DYRK4: variants seen among roughly 807,000 people sequenced by gnomAD.
The protein encoded by DYRK4 is dual specificity tyrosine phosphorylation regulated kinase 4.
In DYRK4, 64 loss-of-function variants were observed where a neutral mutation model predicts 68.3. The observed-to-expected ratio is 0.94, with a 90% CI of 0.77 to 1.15. The LOEUF (loss-of-function observed/expected upper bound fraction) is 1.15. Among genes scored for constraint, DYRK4 ranks in the 50% most tolerant of loss-of-function variants. The pLI is 0.00. For missense variants in DYRK4, 740 were observed against 764.7 expected, an observed-to-expected ratio of 0.97 and a Z score of 0.38; for synonymous variants, 274 against 289.9, an observed-to-expected ratio of 0.95 and a Z score of 0.56.
intron 10 of DYRK4, 123 bp downstream of exon 10, chr12:4,599,911 A>G (rs1945062350): frequency 2.6e-6 from 2 of 775,542 alleles, no homozygotes; most frequent in Non-Finnish European, 4.2e-6. Flanking sequence ...GATTTTGAAC[A>G]AGGTGCTTCG....
At chr12:4,567,109 A>G (rs188953698) in intron 1 of DYRK4, among the ~76,000 whole-genome samples, 2 of 152,362 alleles carry the variant, frequency 1.3e-5, no homozygotes, top group Admixed American at 1.3e-4. Flanking sequence ...ATTTTTCAAT[A>G]GTTATACTGC....
chr12:4,564,106 A>G (rs1944654290), intron 1 of DYRK4, among the ~76,000 whole-genome samples: 1 of 152,184 alleles, frequency 6.6e-6, no homozygotes, highest in Non-Finnish European at 1.5e-5. Context: ...CAAGAGTCTC[A>G]GGGATATATG....
chr12:4,575,475 AT>A (rs1268110962), intron 2 of DYRK4, among the ~76,000 whole-genome samples: 2 of 151,818 alleles, frequency 1.3e-5, no homozygotes, highest in Non-Finnish European at 2.9e-5. Flanking sequence ...CTACCAGCTA[AT>A]TTTTTTGTAC....
intron 2 of DYRK4, among the ~76,000 whole-genome samples, chr12:4,575,571 A>G (rs1944781303): frequency 6.6e-6 from 1 of 152,096 alleles, no homozygotes; most frequent in African/African-American, 2.4e-5. Context: ...GACCTCCCAA[A>G]GTGCTGGGAT....
chr12:4,577,290 A>G (rs1442540138), intron 2 of DYRK4, among the ~76,000 whole-genome samples: 1 of 152,144 alleles, frequency 6.6e-6, no homozygotes, highest in African/African-American at 2.4e-5. Flanking sequence ...GCTGGTCTCA[A>G]ACTCATGACC....
chr12:4,605,045 C>T lies in DYRK4; in HGVS notation c.1258C>T (p.Pro420Ser). The change falls in exon 11 of 15, where the codon CCC becomes TCC. Residue 420 changes from proline (P) to serine (S), a missense_variant. This residue lies in a region of DYRK4 where 614 missense variants were observed against 603.7 expected (regional missense o/e 1.02). Transcript: ENST00000543431. ...AELYTGYPLF[P>S]GENEVEQLAC... ...GTTGTACACGGGCTACCCCCTGTTC[C>T]CCGGGGAGAATGAGGTGGAGCAGCT... The T allele has an allele frequency of 6.2e-7, 1 of 1,613,978 alleles. No homozygotes were observed.
rs1176595000 is a variant in DYRK4, at chr12:4,591,217, T to G, written c.382T>G (p.Phe128Val). The G allele has an allele frequency of 6.8e-6, 11 of 1,613,964 alleles. No individual in the cohort carries two copies. The highest frequency in any genetic ancestry group is 9.3e-6 in the Non-Finnish European group (11 of 1,180,010). ...ASELKASEIP[F>V]HPSIKTQDPK... ...AGAGCTCAAGGCTTCAGAAATACCT[T>G]TCCACCCTAGCATTAAAACCCAGGA... is the stretch of plus-strand genomic sequence containing the variant. The change falls in exon 5 of 15, where the codon TTC becomes GTC. Residue 128 changes from phenylalanine to valine, a missense_variant. Physicochemically the swap from Phe to Val is conservative, Grantham distance 50. This residue lies in a region of DYRK4 where 56 missense variants were observed against 89.9 expected (regional missense o/e 0.62). Transcript: ENST00000543431. The surrounding 1 kb of genome is among the most constrained non-coding windows in gnomAD (Gnocchi z 4.1).
At chr12:4,600,763 C>T (rs1258262964) in intron 10 of DYRK4, among the ~76,000 whole-genome samples, 1 of 151,932 alleles carries the variant, frequency 6.6e-6, no homozygotes, top group Non-Finnish European at 1.5e-5. Context: ...GTTTCCCATA[C>T]CCTGGAAGCT....
chr12:4,576,308 G>A (rs183825583), intron 2 of DYRK4, among the ~76,000 whole-genome samples: 1 of 152,120 alleles, frequency 6.6e-6, no homozygotes, highest in African/African-American at 2.4e-5. Flanking sequence ...TTTTCATTTA[G>A]CAGTAATGTC....
intron 6 of DYRK4, among the ~76,000 whole-genome samples, chr12:4,594,292 C>A (rs919430776): frequency 6.6e-6 from 1 of 152,086 alleles, no homozygotes; most frequent in Admixed American, 6.6e-5. Flanking sequence ...GGTGTGATCA[C>A]GGCTCACTGC....
At chr12:4,580,797 A>AT (rs747948305) in intron 2 of DYRK4, 6,093 of 420,014 alleles carry the variant, frequency 0.015, 149 homozygotes, top group African/African-American at 0.083. Context: ...GCACTTAGGG[A>AT]TTTTTTTTTT....
chr12:4,611,666 C>T (rs2137413042), intron 13 of DYRK4, among the ~76,000 whole-genome samples: 1 of 152,258 alleles, frequency 6.6e-6, no homozygotes. Context: ...GTTTTAGGAC[C>T]TTAATGAGTC....
At chr12:4,590,583 A>G (rs1476017621) in intron 4 of DYRK4, 143 bp downstream of exon 4, 18 of 1,405,000 alleles carry the variant, frequency 1.3e-5, no homozygotes, top group Non-Finnish European at 1.7e-5. Flanking sequence ...CTCATTCTTT[A>G]CAATGACTAT....
At chr12:4,567,010 A>C (rs1944683805) in intron 1 of DYRK4, among the ~76,000 whole-genome samples, 1 of 152,206 alleles carries the variant, frequency 6.6e-6, no homozygotes, top group South Asian at 2.1e-4. Context: ...ACATATAAAG[A>C]TCTATCTTAT....
Position 4,571,022 on chromosome 12 carries a change from G to A in DYRK4, c.132+2974G>A, listed in dbSNP as rs1946745967. 3.3e-5 allele frequency among the ~76,000 whole-genome samples: 5 copies of A among 152,274 alleles called. No individual in the cohort carries two copies. In the South Asian group the frequency reaches 1.0e-3, roughly 32 times the overall value. ...CGGCAGGGGAAACAGAGGCCCTTTG[G>A]TCCTCAGTCATCTCAAGCAGTAGGC... On this transcript the variant is annotated intron_variant, in intron 2 of 14. Coordinates refer to ENST00000543431, the MANE Select transcript of DYRK4 (RefSeq NM_001394779.1).
Position 4,596,296 on chromosome 12 carries a change from G to A in DYRK4, c.764+11G>A, listed in dbSNP as rs577412803. ...CAGGAACAAGAAGAGGTGTGGCTTGGGGATGACATAGGCCACAGAGGAGGG... is the reference window on the plus strand; with the variant it reads ...CAGGAACAAGAAGAGGTGTGGCTTGAGGATGACATAGGCCACAGAGGAGGG... On this transcript the variant is annotated intron_variant, in intron 7 of 14. Transcript: ENST00000543431. 6.2e-7 allele frequency: 1 copy of A among 1,614,110 alleles called. No individual in the cohort carries two copies. Among genetic ancestry groups the A allele is most frequent in the African/African-American group, 1.3e-5 (1 of 75,038 alleles).
At chr12:4,580,450 A>C (rs1233860474) in intron 2 of DYRK4, among the ~76,000 whole-genome samples, 1 of 152,196 alleles carries the variant, frequency 6.6e-6, no homozygotes, top group Non-Finnish European at 1.5e-5. Context: ...CCTTAGCTTC[A>C]AATGGCAGTG....
rs557730204 is a variant in DYRK4 at position 4,597,003 on chromosome 12, T to A, written c.905+274T>A. 5.8e-5 allele frequency: 74 copies of A among 1,282,986 alleles called. No homozygotes were observed. The East Asian group carries it at 1.2e-3, about 22-fold the overall frequency. 79.5% of individuals were successfully genotyped at this position (1,282,986 alleles called of 1,614,324 possible). A position where few individuals can be genotyped will look rare whatever the true frequency, so the allele number is the denominator to read the frequency against. Reference sequence around the variant, plus strand: ...CATGACCAAAACAAGGCCTCTTTCCTTAAGAGCTAAACTGAAATAGTCAAA... The same window carrying A: ...CATGACCAAAACAAGGCCTCTTTCCATAAGAGCTAAACTGAAATAGTCAAA... On this transcript the variant is annotated intron_variant, in intron 8 of 14. Coordinates refer to ENST00000543431, the MANE Select transcript of DYRK4 (RefSeq NM_001394779.1).
chr12:4,612,867 G>T lies in DYRK4; in HGVS notation c.1666+149G>T, dbSNP rs1945240663. 10 of 799,238 alleles carry T rather than the reference G, an allele frequency of 1.3e-5. No homozygotes were observed. The South Asian group carries it at 1.8e-4, about 15-fold the overall frequency. 49.5% of individuals were successfully genotyped at this position (799,238 alleles called of 1,614,324 possible). Reference sequence around the variant, plus strand: ...TTTTTAATATTCTGTTTAATATGCTGTTTAAGCATTTCTGAAGGATTTGCA... The same window carrying T: ...TTTTTAATATTCTGTTTAATATGCTTTTTAAGCATTTCTGAAGGATTTGCA... On this transcript the variant is annotated intron_variant, in intron 14 of 14. Transcript: ENST00000543431.
Sources: allele counts gnomAD v4.1 joint callset (sites outside exome capture counted in the v4.1 genomes callset), GRCh38; gene constraint gnomAD v4.1.1; regional missense constraint gnomAD v4.1.1; non-coding constraint Gnocchi (gnomAD v3.1); transcripts MANE v1.5; gene names NCBI Gene and HGNC (gene_info 2026-07-23, HGNC 2026-07-21).